Variants in RTTN observed in about 807,000 individuals in gnomAD.
RTTN encodes the protein rotatin.
A neutral mutation model predicts 269.2 loss-of-function variants in RTTN; 182 were observed. The ratio of observed to expected loss-of-function variants is 0.68; its 90% CI spans 0.60 to 0.76. RTTN has a LOEUF of 0.76. Ranked by LOEUF, RTTN falls within the 30% of genes least tolerant of loss-of-function variation. The pLI, the probability that RTTN is intolerant of heterozygous loss-of-function variation, is 0.00. For synonymous variants in RTTN, 1,006 were observed against 963.5 expected (o/e 1.04, Z -0.82); for missense variants, 2,545 against 2,608.6 (o/e 0.98, Z 0.53).
At chr18:70,062,148 C>T (rs534716185) in intron 35 of RTTN, among the ~76,000 whole-genome samples, 1 of 152,324 alleles carries the variant, frequency 6.6e-6, no homozygotes, top group African/African-American at 2.4e-5. Flanking sequence ...CTGAGAGTTA[C>T]TGGGGTTACT....
At chr18:70,031,305 A>C in intron 40 of RTTN, 2 of 404,018 alleles carry the variant, frequency 5.0e-6, no homozygotes, top group Non-Finnish European at 8.7e-6. Flanking sequence ...TGTGTACCTT[A>C]TTAAAATGGG....
At chr18:70,118,713 A>G (rs1344063345) in intron 26 of RTTN, among the ~76,000 whole-genome samples, 3 of 152,182 alleles carry the variant, frequency 2.0e-5, no homozygotes, top group Middle Eastern at 3.2e-3. Context: ...TGAAACCAAG[A>G]GCACAATAAA....
intron 26 of RTTN, 142 bp downstream of exon 26, chr18:70,121,414 G>T: frequency 8.1e-6 from 5 of 620,222 alleles, no homozygotes; most frequent in Non-Finnish European, 1.3e-5. Flanking sequence ...AAGCCATGTT[G>T]TTATGAGCCA....
intron 38 of RTTN, among the ~76,000 whole-genome samples, chr18:70,053,803 T>C (rs17082021): frequency 0.031 from 4,739 of 152,322 alleles, 280 homozygotes; most frequent in African/African-American, 0.11. Context: ...ATACTTGTTA[T>C]TGGGAATGTT....
intron 46 of RTTN, among the ~76,000 whole-genome samples, chr18:70,010,177 A>G (rs1252764301): frequency 6.6e-6 from 1 of 152,204 alleles, no homozygotes; most frequent in Non-Finnish European, 1.5e-5. Context: ...AGACACATCA[A>G]CAAGACAGAA....
chr18:70,111,995 A>T (rs1430129398), intron 27 of RTTN, among the ~76,000 whole-genome samples: 1 of 152,186 alleles, frequency 6.6e-6, no homozygotes, highest in Admixed American at 6.5e-5. Flanking sequence ...AGTGGGGGCC[A>T]ATATTCAACC....
At chr18:70,109,923 T>C (rs186527003) in intron 27 of RTTN, among the ~76,000 whole-genome samples, 1 of 152,136 alleles carries the variant, frequency 6.6e-6, no homozygotes, top group African/African-American at 2.4e-5. Context: ...AAAATACAAG[T>C]AACGATTACA....
intron 8 of RTTN, 156 bp downstream of exon 8, chr18:70,193,132 T>G: frequency 1.6e-6 from 1 of 640,522 alleles, no homozygotes; most frequent in South Asian, 2.4e-5. Flanking sequence ...AAAAAAAGTA[T>G]GAAGCCAGGG....
chr18:70,112,299 A>C (rs545373291), intron 27 of RTTN, among the ~76,000 whole-genome samples: 1 of 152,312 alleles, frequency 6.6e-6, no homozygotes. Flanking sequence ...AAATTCACAC[A>C]TAACAATATT....
chr18:70,018,760 T>G (rs1006525458), intron 45 of RTTN, among the ~76,000 whole-genome samples: 4 of 151,982 alleles, frequency 2.6e-5, no homozygotes, highest in Non-Finnish European at 5.9e-5. Flanking sequence ...CTTGCTGGAT[T>G]TGGGACTGAC....
chr18:70,068,273 A>C (rs2058198533), intron 34 of RTTN, among the ~76,000 whole-genome samples: 1 of 152,196 alleles, frequency 6.6e-6, no homozygotes, highest in Non-Finnish European at 1.5e-5. Flanking sequence ...TTTGGCATTA[A>C]GTATTAGCTA....
In RTTN at chr18:70,080,928, T is replaced by TCACACACACA. The variant is rs138851066; in HGVS notation, c.4375-5397_4375-5388dup. ...AGTGGATAAACTGGTGTGTGTGGTA[T>TCACACACACA]CACACACACACACACACACACACAC... On this transcript the variant is annotated intron_variant, in intron 32 of 48. Coordinates refer to ENST00000640769, the MANE Select transcript of RTTN (RefSeq NM_173630.4). Among the ~76,000 whole-genome samples the TCACACACACA allele has an allele frequency of 9.3e-4, 136 of 146,888 alleles. 1 individual carries two copies. Among genetic ancestry groups the TCACACACACA allele is most frequent in the Non-Finnish European group, 1.3e-3 (88 of 66,902 alleles).
rs115935530 is a variant in RTTN, at chr18:70,054,970, G to A, written c.5032-686C>T. ...AAACACCCTTCAAAGTGCATAAGCA[G>A]GGGTGGGGGGAAGCTAGCCTAGTTA... On this transcript the variant is annotated intron_variant, in intron 37 of 48. Transcript: ENST00000640769. 7.0e-3 allele frequency among the ~76,000 whole-genome samples: 1,061 copies of A among 152,274 alleles called. 9 individuals carry two copies. The highest frequency in any genetic ancestry group is 0.024 in the African/African-American group (997 of 41,566).
chr18:70,174,943 ACTTGAAC>A (rs2061249367), intron 11 of RTTN, among the ~76,000 whole-genome samples: 1 of 149,694 alleles, frequency 6.7e-6, no homozygotes, highest in African/African-American at 2.5e-5. Flanking sequence ...AAGGAGAATC[ACTTGAAC>A]CTGGGAGGTG....
intron 28 of RTTN, among the ~76,000 whole-genome samples, chr18:70,103,277 A>C (rs1411476268): frequency 6.6e-6 from 1 of 152,156 alleles, no homozygotes; most frequent in Non-Finnish European, 1.5e-5. Flanking sequence ...GACCATCGAG[A>C]ACGGGCCATG....
chr18:70,070,404 C>T (rs372273707), intron 34 of RTTN, among the ~76,000 whole-genome samples: 9 of 152,218 alleles, frequency 5.9e-5, no homozygotes, highest in African/African-American at 1.9e-4. Context: ...GGTCACCATG[C>T]TGGAGGTATT....
intron 10 of RTTN, among the ~76,000 whole-genome samples, chr18:70,184,414 G>A (rs769483464): frequency 1.3e-5 from 2 of 152,070 alleles, no homozygotes; most frequent in African/African-American, 2.4e-5. Context: ...AAATTAGCTG[G>A]GCACATGCCT....
intron 3 of RTTN, among the ~76,000 whole-genome samples, chr18:70,203,220 G>C (rs2061996038): frequency 6.7e-6 from 1 of 150,108 alleles, no homozygotes; most frequent in South Asian, 2.1e-4. Flanking sequence ...TTTTTTTCGA[G>C]ATGGAGTCTT....
At chr18:70,126,468 T>C (rs567573161) in intron 25 of RTTN, among the ~76,000 whole-genome samples, 1 of 152,104 alleles carries the variant, frequency 6.6e-6, no homozygotes, top group Admixed American at 6.6e-5. Context: ...CTGTAGACAA[T>C]GTGGAGCTAC....
Sources: gnomAD v4.1 joint callset for allele counts (sites outside exome capture counted in the v4.1 genomes callset) on GRCh38, gnomAD v4.1.1 for gene constraint, MANE v1.5 for transcripts, NCBI Gene and HGNC (gene_info 2026-07-23, HGNC 2026-07-21) for gene names.